The following CSNK1G3 variants were observed in gnomAD, a reference collection of about 807,000 sequenced individuals.
CSNK1G3 encodes the protein casein kinase 1 gamma 3, also known as casein kinase I isoform gamma-3.
Under a neutral mutation model 64.3 loss-of-function variants are expected in CSNK1G3, and 23 were observed. The observed-to-expected ratio is 0.36, with a 90% CI of 0.26 to 0.51. The LOEUF (loss-of-function observed/expected upper bound fraction) is 0.51, where lower values mean the gene tolerates loss of function less well. CSNK1G3 is among the 20% of genes least tolerant of loss of function. The pLI is 0.96. For missense variants in CSNK1G3, 357 were observed against 510.5 expected, an observed-to-expected ratio of 0.70 and a Z score of 2.90; for synonymous variants, 158 against 162.2, an observed-to-expected ratio of 0.97 and a Z score of 0.20.
chr5:123,594,651 A>G (rs961003386), intron 10 of CSNK1G3, among the ~76,000 whole-genome samples: 1 of 152,178 alleles, frequency 6.6e-6, no homozygotes, highest in Admixed American at 6.6e-5. Context: ...CAGTGATGAC[A>G]TCTACTGTGT....
At chr5:123,567,591 G>T (rs1031966647) in intron 4 of CSNK1G3, among the ~76,000 whole-genome samples, 2 of 152,256 alleles carry the variant, frequency 1.3e-5, no homozygotes, top group African/African-American at 4.8e-5. Context: ...GGGCAATAGA[G>T]TGAGACTCCA....
chr5:123,591,008 T>C (rs1454779851), intron 9 of CSNK1G3, among the ~76,000 whole-genome samples: 1 of 152,058 alleles, frequency 6.6e-6, no homozygotes, highest in Non-Finnish European at 1.5e-5. Context: ...GGCATAAACA[T>C]ATACATTTTT....
chr5:123,588,003 ACT>A lies in CSNK1G3; in HGVS notation c.674-61_674-60del, dbSNP rs374558314. ...TAATTTATACATAATGAAAGAACAA[ACT>A]CTCCATTCTTCCATTCTTAACTGTT... is the stretch of plus-strand genomic sequence containing the variant. On this transcript the variant is annotated intron_variant, in intron 6 of 12. Transcript: ENST00000345990. 5.3e-5 allele frequency: 54 copies of A among 1,019,818 alleles called. 1 individual carries two copies. The South Asian group carries it at 7.5e-4, about 14-fold the overall frequency. 63.2% of individuals were successfully genotyped at this position (1,019,818 alleles called of 1,614,324 possible).
chr5:123,609,696 G>A (rs1409772857), intron 12 of CSNK1G3, among the ~76,000 whole-genome samples: 1 of 152,162 alleles, frequency 6.6e-6, no homozygotes, highest in Non-Finnish European at 1.5e-5. Context: ...ATCCCACGTG[G>A]TGTGTTCTGG....
intron 1 of CSNK1G3, among the ~76,000 whole-genome samples, chr5:123,516,476 A>G (rs527755155): frequency 4.2e-4 from 64 of 152,270 alleles, no homozygotes; most frequent in Non-Finnish European, 5.3e-4. Context: ...TTTAGCAACT[A>G]TAAATGTTTG....
chr5:123,531,843 A>G (rs1424427850), intron 1 of CSNK1G3, among the ~76,000 whole-genome samples: 1 of 151,960 alleles, frequency 6.6e-6, no homozygotes, highest in African/African-American at 2.4e-5. Context: ...AAAAATGTAG[A>G]GCAGTACAAG....
intron 10 of CSNK1G3, among the ~76,000 whole-genome samples, chr5:123,592,324 A>G (rs1301960900): frequency 6.6e-6 from 1 of 152,024 alleles, no homozygotes; most frequent in African/African-American, 2.4e-5. Context: ...GTAGAGATGG[A>G]TTAGAGAGGG....
chr5:123,527,046 G>A (rs1779220719), intron 1 of CSNK1G3, among the ~76,000 whole-genome samples: 1 of 152,080 alleles, frequency 6.6e-6, no homozygotes, highest in African/African-American at 2.4e-5. Context: ...GTAGTAAGCA[G>A]TTCTAAAATT....
intron 1 of CSNK1G3, among the ~76,000 whole-genome samples, chr5:123,521,124 G>T (rs1309794439): frequency 1.3e-5 from 2 of 151,858 alleles, no homozygotes; most frequent in Admixed American, 6.6e-5. Flanking sequence ...AAACTAGTAG[G>T]TGTCAGTTTT....
chr5:123,593,759 A>G (rs1454874005), intron 10 of CSNK1G3, among the ~76,000 whole-genome samples: 1 of 152,122 alleles, frequency 6.6e-6, no homozygotes, highest in Non-Finnish European at 1.5e-5. Context: ...TTTATGCCAC[A>G]GAGTATGTAA....
chr5:123,613,435 G>C (rs755389493), intron 12 of CSNK1G3, among the ~76,000 whole-genome samples: 2 of 144,196 alleles, frequency 1.4e-5, no homozygotes, highest in Non-Finnish European at 3.0e-5. Context: ...GTGTGTGTGC[G>C]TATGTATGTA....
At chr5:123,588,221 C>T in intron 7 of CSNK1G3, 68 bp downstream of exon 7, 1 of 1,237,958 alleles carries the variant, frequency 8.1e-7, no homozygotes, top group Admixed American at 1.9e-5. Flanking sequence ...TGTCTTCCAA[C>T]TAAACAGTTT....
chr5:123,569,539 T>C (rs1787653605), intron 4 of CSNK1G3, among the ~76,000 whole-genome samples: 1 of 152,196 alleles, frequency 6.6e-6, no homozygotes, highest in African/African-American at 2.4e-5. Flanking sequence ...TACTAACACA[T>C]TTCACTACCC....
At chr5:123,519,761 G>C (rs893540784) in intron 1 of CSNK1G3, among the ~76,000 whole-genome samples, 3 of 152,118 alleles carry the variant, frequency 2.0e-5, no homozygotes, top group African/African-American at 7.2e-5. Context: ...AGGACCATAG[G>C]ATTTTAGACT....
At chr5:123,545,927 ATTG>A in intron 2 of CSNK1G3, 86 bp downstream of exon 2, 1 of 1,133,724 alleles carries the variant, frequency 8.8e-7, no homozygotes, top group South Asian at 1.4e-5. Context: ...TAGTTATTTA[ATTG>A]TTTAGTTGTT....
chr5:123,519,302 C>T (rs765731922), intron 1 of CSNK1G3, among the ~76,000 whole-genome samples: 20 of 152,206 alleles, frequency 1.3e-4, no homozygotes, highest in Non-Finnish European at 2.8e-4. Flanking sequence ...GATCTGCCTG[C>T]CTCGGTCTCC....
At chr5:123,571,294 G>GT (rs948021808) in intron 4 of CSNK1G3, among the ~76,000 whole-genome samples, 8 of 151,794 alleles carry the variant, frequency 5.3e-5, no homozygotes, top group East Asian at 3.9e-4. Context: ...GTTTTGTTTT[G>GT]TTTTTTTGAG....
At chr5:123,605,840 C>T (rs1395135540) in intron 12 of CSNK1G3, among the ~76,000 whole-genome samples, 1 of 151,910 alleles carries the variant, frequency 6.6e-6, no homozygotes, top group Non-Finnish European at 1.5e-5. Flanking sequence ...TTCATGATAA[C>T]CTTGTAGTGA....
At chr5:123,590,209 C>T (rs1196684716) in intron 8 of CSNK1G3, among the ~76,000 whole-genome samples, 1 of 151,850 alleles carries the variant, frequency 6.6e-6, no homozygotes, top group African/African-American at 2.4e-5. Flanking sequence ...CTAAACCTCC[C>T]ATTTTTCTTG....
Sources: allele counts gnomAD v4.1 joint callset (sites outside exome capture counted in the v4.1 genomes callset), GRCh38; gene constraint gnomAD v4.1.1; transcripts MANE v1.5; gene names NCBI Gene and HGNC (gene_info 2026-07-23, HGNC 2026-07-21).